Variants in ZNF648 observed in about 807,000 individuals in gnomAD.
The protein encoded by ZNF648 is zinc finger protein 648.
Under a neutral mutation model 0.3 loss-of-function variants are expected in ZNF648, and 1 was observed. That is an observed-to-expected ratio of 3.90 (90% confidence interval 1.39 to 18.51). The LOEUF is 18.51. ZNF648 is among the 30% of genes most tolerant of loss of function. The pLI is 0.11. For missense variants in ZNF648, 874 were observed against 769.7 expected, an observed-to-expected ratio of 1.14 and a Z score of -1.60; for synonymous variants, 376 against 326.8, an observed-to-expected ratio of 1.15 and a Z score of -1.62.
intron 1 of ZNF648, 89 bp from the exon 2 acceptor site, chr1:182,058,162 C>G: frequency 3.5e-6 from 3 of 863,224 alleles, no homozygotes; most frequent in South Asian, 3.7e-5. Flanking sequence ...CACTATAGCT[C>G]TGTTTCCAAC....
At chr1:182,069,499 G>A in the ZNF648 span, among the ~76,000 whole-genome samples, 1 of 152,200 alleles carries the variant, frequency 6.6e-6, no homozygotes, top group Non-Finnish European at 1.5e-5. Context: ...TAGGGCTGCT[G>A]GAGTGCGGCA....
At position 182,057,241 on chromosome 1, in the gene ZNF648, C is replaced by A. The variant is rs777780436; in HGVS notation, c.770G>T (p.Arg257Leu). The A allele has an allele frequency of 1.3e-6, 2 of 1,568,804 alleles. No individual in the cohort carries two copies. The highest frequency in any genetic ancestry group is 3.7e-5 in the Admixed American group (2 of 54,662). The stretch of plus-strand genomic sequence containing the variant: ...CGGCTTGCTGGGCTTCTGAAAGGCC[C>A]GCCCGCCCCGCAGGCACCTGTAGGG... ...ARPYRCLRGG[R>L]AFQKPSKPLS... The change falls in exon 2 of 2, where the codon CGG (arginine) becomes CTG (leucine). Residue 257 changes from arginine (R) to leucine (L), a missense_variant. Physicochemically the swap from Arg to Leu is moderately radical, Grantham distance 102. Coordinates refer to ENST00000339948, the MANE Select transcript of ZNF648 (RefSeq NM_001009992.1).
upstream of ZNF648, among the ~76,000 whole-genome samples, chr1:182,066,139 C>T (rs148117164): frequency 6.6e-6 from 1 of 152,332 alleles, no homozygotes; most frequent in East Asian, 1.9e-4. Context: ...TTCCTCTGAG[C>T]TGCTGACTGG....
chr1:182,058,171 A>T, intron 1 of ZNF648, 98 bp from the exon 2 acceptor site: 1 of 820,988 alleles, frequency 1.2e-6, no homozygotes, highest in Admixed American at 3.2e-5. Context: ...TCTGTTTCCA[A>T]CTGGTCTCCA....
In ZNF648 at chr1:182,057,750, A is replaced by C. The variant is rs754680236; in HGVS notation, c.261T>G (p.Ala87=). ...EEEKFSDSSS[A]GGMGQKPVEM... Reference sequence around the variant, plus strand: ...CCACTGGTTTCTGCCCCATGCCCCCAGCACTGGAGGAGTCAGAGAATTTCT... The same window carrying C: ...CCACTGGTTTCTGCCCCATGCCCCCCGCACTGGAGGAGTCAGAGAATTTCT... The change falls in exon 2 of 2, where the codon GCT becomes GCG. Residue 87 remains alanine, a synonymous_variant. Transcript: ENST00000339948. 1 of 1,614,184 alleles carries C rather than the reference A, an allele frequency of 6.2e-7. No homozygotes were observed. The highest frequency in any genetic ancestry group is 1.1e-5 in the South Asian group (1 of 91,080).
rs185527550 is a variant in ZNF648, at chr1:182,054,597, T to C, written c.*1707A>G. ...CAGTCTTCAAATATTTTATTGATTA[T>C]CTAGGAAAAAAAAGTTAGCTTTTGC... On this transcript the variant is annotated 3_prime_UTR_variant, in exon 2 of 2. Coordinates refer to ENST00000339948, the MANE Select transcript of ZNF648 (RefSeq NM_001009992.1). 6.6e-5 allele frequency: 10 copies of C among 152,378 alleles called. No homozygotes were observed. Among genetic ancestry groups the C allele is most frequent in the African/African-American group, 1.9e-4 (8 of 41,592 alleles). 9.4% of individuals were successfully genotyped at this position (152,378 alleles called of 1,614,324 possible).
In ZNF648 at chr1:182,057,948, C is replaced by T; in HGVS notation, c.63G>A (p.Glu21=). 1 of 1,614,050 alleles carries T rather than the reference C, an allele frequency of 6.2e-7. No homozygotes were observed. The highest frequency in any genetic ancestry group is 1.3e-5 in the African/African-American group (1 of 75,036). ...TCAGCATCTGGGTGTCATGAGCTTC[C>T]TCAGTCAAGCTGCTGAGAGGAGACG... ...GEASPLSSLT[E]EAHDTQMLSM... The change falls in exon 2 of 2, where the codon GAG becomes GAA. Residue 21 remains glutamate (E), a synonymous_variant. Transcript: ENST00000339948.
chr1:182,056,801 C>A lies in ZNF648; in HGVS notation c.1210G>T (p.Ala404Ser). Reference protein sequence around the residue: ...CPACDREFAVASRMVEHQRVH... With the variant: ...CPACDREFAVSSRMVEHQRVH... ...CGCTGGTGCTCCACCATGCGGCTGG[C>A]CACAGCGAACTCCCGGTCGCAGGCG... The change falls in exon 2 of 2, where the codon GCC becomes TCC. Residue 404 changes from alanine to serine, a missense_variant. Physicochemically the swap from Ala to Ser is moderately conservative, Grantham distance 99 (BLOSUM62 1). Transcript: ENST00000339948. 1 of 1,544,364 alleles carries A rather than the reference C, an allele frequency of 6.5e-7. No individual in the cohort carries two copies. The highest frequency in any genetic ancestry group is 1.4e-5 in the African/African-American group (1 of 70,962).
chr1:182,059,487 G>T (rs1264068847), intron 1 of ZNF648, among the ~76,000 whole-genome samples: 1 of 152,184 alleles, frequency 6.6e-6, no homozygotes, highest in Non-Finnish European at 1.5e-5. Flanking sequence ...AGTCTGGAGA[G>T]AAACTTCTGA....
the ZNF648 span, among the ~76,000 whole-genome samples, chr1:182,067,951 G>A: frequency 6.6e-6 from 1 of 152,216 alleles, no homozygotes; most frequent in Admixed American, 6.5e-5. Context: ...AGAAAACTGA[G>A]GAAGAACACC....
At position 182,056,165 on chromosome 1, in the gene ZNF648, AGG is replaced by A; in HGVS notation, c.*137_*138del. On this transcript the variant is annotated 3_prime_UTR_variant, in exon 2 of 2. Transcript: ENST00000339948. ...TCTCTCGGTGGTGACTTTCTGTTCA[AGG>A]GATCAAATAAATAATCAAATGGACC... 9.1e-6 allele frequency: 11 copies of A among 1,204,490 alleles called. No homozygotes were observed. Among genetic ancestry groups the A allele is most frequent in the Admixed American group, 2.8e-5 (1 of 35,458 alleles). 74.6% of individuals were successfully genotyped at this position (1,204,490 alleles called of 1,614,324 possible).
In ZNF648 at chr1:182,057,745, C is replaced by G; in HGVS notation, c.266G>C (p.Gly89Ala). The G allele has an allele frequency of 6.2e-7, 1 of 1,614,220 alleles. No homozygotes were observed. The highest frequency in any genetic ancestry group is 1.1e-5 in the South Asian group (1 of 91,082). The stretch of plus-strand genomic sequence containing the variant: ...CATTTCCACTGGTTTCTGCCCCATG[C>G]CCCCAGCACTGGAGGAGTCAGAGAA... ...EKFSDSSSAG[G>A]MGQKPVEMSG... The change falls in exon 2 of 2, where the codon GGC becomes GCC. Residue 89 changes from glycine to alanine, a missense_variant. Transcript: ENST00000339948.
the ZNF648 span, among the ~76,000 whole-genome samples, chr1:182,069,578 A>G: frequency 6.6e-6 from 1 of 152,168 alleles, no homozygotes; most frequent in Admixed American, 6.5e-5. Context: ...TTGAACAGTA[A>G]GCATGTCTAT....
At position 182,059,444 on chromosome 1, in the gene ZNF648, G is replaced by A. The variant is rs533808456; in HGVS notation, c.-63-1371C>T. On this transcript the variant is annotated intron_variant, in intron 1 of 1. Coordinates refer to ENST00000339948, the MANE Select transcript of ZNF648 (RefSeq NM_001009992.1). ...AGGGTACTGAGGGCCTCTCCAGGGG[G>A]ACAACTGTTGACCAGAGGGCTAAAT... is the stretch of plus-strand genomic sequence containing the variant. 1.5e-4 allele frequency among the ~76,000 whole-genome samples: 23 copies of A among 152,306 alleles called. No individual in the cohort carries two copies. In the South Asian group the frequency reaches 2.9e-3, roughly 19 times the overall value.
chr1:182,065,317 C>T (rs1666084445), upstream of ZNF648, among the ~76,000 whole-genome samples: 1 of 152,154 alleles, frequency 6.6e-6, no homozygotes, highest in Non-Finnish European at 1.5e-5. Context: ...GGCTATGTGA[C>T]CTGTGTATCT....
intron 1 of ZNF648, among the ~76,000 whole-genome samples, chr1:182,061,043 ACT>A (rs1027999028): frequency 5.3e-5 from 8 of 151,336 alleles, no homozygotes; most frequent in Non-Finnish European, 7.4e-5. Context: ...CCGTCAGGAG[ACT>A]CTCTTTTCAG....
rs371268628 is a variant in ZNF648 at position 182,056,471 on chromosome 1, G to A, written c.1540C>T (p.Arg514Cys). The change falls in exon 2 of 2, where the codon CGC (arginine) becomes TGC (cysteine). Residue 514 changes from arginine (R) to cysteine (C), a missense_variant. Transcript: ENST00000339948. The stretch of plus-strand genomic sequence containing the variant: ...TGCTGGGCCAACTCAGAGGCAATGC[G>A]GAAGGCCCTGCCGCACTCGGCACAG... ...FLCAECGRAF[R>C]IASELAQHIR... 6 of 1,613,790 alleles carry A rather than the reference G, an allele frequency of 3.7e-6. No individual in the cohort carries two copies. Among genetic ancestry groups the A allele is most frequent in the Non-Finnish European group, 5.1e-6 (6 of 1,179,916 alleles).
At chr1:182,063,657 G>A (rs752710089), upstream of ZNF648, 4 of 152,188 alleles carry the variant, frequency 2.6e-5, no homozygotes, top group Non-Finnish European at 5.9e-5. Flanking sequence ...TCTATAGGTT[G>A]TCTGTTCACT....
Position 182,056,147 on chromosome 1 carries a change from G to T in ZNF648, c.*157C>A. ...AACCACCCACCTGGGTGCTCTCTCG[G>T]TGGTGACTTTCTGTTCAAGGGATCA... On this transcript the variant is annotated 3_prime_UTR_variant, in exon 2 of 2. Transcript: ENST00000339948. 9.6e-7 allele frequency: 1 copy of T among 1,044,462 alleles called. No homozygotes were observed. Among genetic ancestry groups the T allele is most frequent in the Non-Finnish European group, 1.3e-6 (1 of 742,586 alleles). 64.7% of individuals were successfully genotyped at this position (1,044,462 alleles called of 1,614,324 possible).
Sources: allele counts gnomAD v4.1 joint callset (sites outside exome capture counted in the v4.1 genomes callset), GRCh38; gene constraint gnomAD v4.1.1; transcripts MANE v1.5; gene names NCBI Gene and HGNC (gene_info 2026-07-23, HGNC 2026-07-21).